The following TMTC1 variants were observed in gnomAD, a reference collection of about 807,000 sequenced individuals.
The protein encoded by TMTC1 is transmembrane O-mannosyltransferase targeting cadherins 1, also known as protein O-mannosyl-transferase TMTC1.
TMTC1 carries 73 observed loss-of-function variants against 104.8 expected under a neutral mutation model. The observed-to-expected ratio is 0.70, with a 90% confidence interval of 0.58 to 0.85. The LOEUF is 0.85. Among genes scored for constraint, TMTC1 ranks in the 40% least tolerant of loss-of-function variants. The pLI, the probability that TMTC1 is intolerant of heterozygous loss-of-function variation, is 0.00. For synonymous variants in TMTC1, 434 were observed against 428.7 expected, an observed-to-expected ratio of 1.01 and a Z score of -0.15; for missense variants, 1,035 against 1,096.1, an observed-to-expected ratio of 0.94 and a Z score of 0.79.
chr12:29,682,473 G>A (rs1940952988), intron 5 of TMTC1, among the ~76,000 whole-genome samples: 1 of 151,860 alleles, frequency 6.6e-6, no homozygotes, highest in Non-Finnish European at 1.5e-5. Context: ...AAAACTGAAA[G>A]AAAAAAAATT....
At chr12:29,690,920 A>T (rs1941247279) in intron 5 of TMTC1, among the ~76,000 whole-genome samples, 1 of 152,140 alleles carries the variant, frequency 6.6e-6, no homozygotes, top group Non-Finnish European at 1.5e-5. Context: ...GACATAACCA[A>T]CTCCATCTTG....
intron 5 of TMTC1, among the ~76,000 whole-genome samples, chr12:29,662,832 T>C (rs1940098589): frequency 6.6e-6 from 1 of 152,182 alleles, no homozygotes. Flanking sequence ...TGCTCAGATC[T>C]GGCCGTTCAA....
At chr12:29,659,942 T>C (rs2136637981) in intron 5 of TMTC1, 1 of 1,536,004 alleles carries the variant, frequency 6.5e-7, no homozygotes, top group East Asian at 2.4e-5. Flanking sequence ...GGGGCATAGA[T>C]CCTCCCATTA....
chr12:29,751,952 C>T (rs901027573), intron 4 of TMTC1, 80 bp from the exon 5 acceptor site: 11 of 1,329,980 alleles, frequency 8.3e-6, no homozygotes, highest in Non-Finnish European at 1.1e-5. Context: ...TAAACTGCCC[C>T]ACCCACAAGT....
chr12:29,620,563 T>C (rs1305922427), intron 6 of TMTC1, among the ~76,000 whole-genome samples: 1 of 152,210 alleles, frequency 6.6e-6, no homozygotes, highest in Non-Finnish European at 1.5e-5. Flanking sequence ...GACATAAAAG[T>C]ATGTGGGAAG....
intron 5 of TMTC1, among the ~76,000 whole-genome samples, chr12:29,648,818 C>T (rs1939387967): frequency 6.6e-6 from 1 of 152,148 alleles, no homozygotes; most frequent in Admixed American, 6.5e-5. Flanking sequence ...ATTATCATTT[C>T]AGTAGATAAT....
intron 16 of TMTC1, 86 bp downstream of exon 16, chr12:29,514,396 C>T: frequency 1.4e-6 from 2 of 1,381,476 alleles, no homozygotes; most frequent in Non-Finnish European, 2.0e-6. Context: ...GATCTTAGAT[C>T]TTACTGTACA....
intron 11 of TMTC1, among the ~76,000 whole-genome samples, chr12:29,522,136 G>A (rs74078089): frequency 0.016 from 2,470 of 152,240 alleles, 89 homozygotes; most frequent in African/African-American, 0.056. Context: ...CTCCTACCAA[G>A]CATTCAACCA....
chr12:29,596,795 A>G (rs1405286240), intron 7 of TMTC1, among the ~76,000 whole-genome samples: 1 of 152,188 alleles, frequency 6.6e-6, no homozygotes, highest in Non-Finnish European at 1.5e-5. Context: ...AAGACTGAAT[A>G]TTTGGCTCTG....
At chr12:29,634,941 T>G (rs546147835) in intron 5 of TMTC1, among the ~76,000 whole-genome samples, 4 of 152,292 alleles carry the variant, frequency 2.6e-5, no homozygotes, top group African/African-American at 9.6e-5. Flanking sequence ...CTGTTACTCT[T>G]TGAAGGTCAG....
intron 6 of TMTC1, 120 bp from the exon 7 acceptor site, chr12:29,604,419 A>G: frequency 7.3e-7 from 1 of 1,368,842 alleles, no homozygotes; most frequent in Non-Finnish European, 1.0e-6. Context: ...AGACCAATAT[A>G]AACCTTTTGA....
chr12:29,513,751 T>C (rs575753902), intron 16 of TMTC1, among the ~76,000 whole-genome samples: 1 of 152,322 alleles, frequency 6.6e-6, no homozygotes, highest in East Asian at 1.9e-4. Context: ...TCCAAAACCA[T>C]AGATACTGAA....
chr12:29,593,519 G>T (rs888710424), intron 7 of TMTC1, among the ~76,000 whole-genome samples: 15 of 152,144 alleles, frequency 9.9e-5, no homozygotes, highest in African/African-American at 3.1e-4. Context: ...CTTCAAAAAG[G>T]TTTGATTCAA....
chr12:29,590,334 T>A (rs1249280483), intron 7 of TMTC1, among the ~76,000 whole-genome samples: 1 of 152,346 alleles, frequency 6.6e-6, no homozygotes, highest in South Asian at 2.1e-4. Context: ...CAAGTGGCTA[T>A]AAAGTATCCT....
At chr12:29,544,846 G>A (rs1048161759) in intron 10 of TMTC1, among the ~76,000 whole-genome samples, 5 of 152,178 alleles carry the variant, frequency 3.3e-5, no homozygotes, top group African/African-American at 1.2e-4. Flanking sequence ...TTTAATGCGT[G>A]TTCCTGGGTT....
At chr12:29,588,870 C>G (rs1946208707) in intron 7 of TMTC1, among the ~76,000 whole-genome samples, 1 of 152,132 alleles carries the variant, frequency 6.6e-6, no homozygotes, top group African/African-American at 2.4e-5. Context: ...GGTTAACTGA[C>G]TTGCTGAATT....
At chr12:29,647,961 G>T (rs577672032) in intron 5 of TMTC1, among the ~76,000 whole-genome samples, 1 of 152,278 alleles carries the variant, frequency 6.6e-6, no homozygotes, top group East Asian at 1.9e-4. Context: ...AGCAGAGCAT[G>T]GCTATGGTCG....
intron 17 of TMTC1, among the ~76,000 whole-genome samples, chr12:29,509,498 AATGGGTAACAATG>A (rs1411869092): frequency 6.6e-6 from 1 of 152,156 alleles, no homozygotes; most frequent in Non-Finnish European, 1.5e-5. Context: ...GAGGCCTAGG[AATGGGTAACAATG>A]CCCGATGCAC....
chr12:29,685,426 A>C (rs1367516977), intron 5 of TMTC1, among the ~76,000 whole-genome samples: 1 of 152,120 alleles, frequency 6.6e-6, no homozygotes, highest in Non-Finnish European at 1.5e-5. Flanking sequence ...TACTAAGTAC[A>C]ATACATTAAA....
Sources: gnomAD v4.1 joint callset for allele counts (sites outside exome capture counted in the v4.1 genomes callset) on GRCh38, gnomAD v4.1.1 for gene constraint, MANE v1.5 for transcripts, NCBI Gene and HGNC (gene_info 2026-07-23, HGNC 2026-07-21) for gene names.